The following ARHGAP20 variants were observed in gnomAD, a reference collection of about 807,000 sequenced individuals.
The protein encoded by ARHGAP20 is rho GTPase-activating protein 20.
ARHGAP20 carries 34 observed loss-of-function variants against 73.7 expected under a neutral mutation model. The observed-to-expected ratio is 0.46, with a 90% CI of 0.35 to 0.61. The LOEUF (loss-of-function observed/expected upper bound fraction) is 0.61. ARHGAP20 is among the 20% of genes least tolerant of loss of function. The probability of loss-of-function intolerance (pLI) is 0.00; values close to 1 mark genes in which losing one functional copy is unlikely to be tolerated. For synonymous variants in ARHGAP20, 523 were observed against 518.2 expected (o/e 1.01, Z -0.13); for missense variants, 1,314 against 1,420.9 (o/e 0.92, Z 1.21).
intron 9 of ARHGAP20, among the ~76,000 whole-genome samples, chr11:110,594,783 A>T (rs1190115803): frequency 6.6e-6 from 1 of 152,106 alleles, no homozygotes; most frequent in Non-Finnish European, 1.5e-5. Flanking sequence ...TCCCTAACTC[A>T]TTTTATGAGG....
At chr11:110,703,298 T>G (rs1168314533) in intron 1 of ARHGAP20, among the ~76,000 whole-genome samples, 1 of 152,138 alleles carries the variant, frequency 6.6e-6, no homozygotes, top group Middle Eastern at 3.2e-3. Context: ...GAAGGACTAC[T>G]ACCATGTTGA....
intron 10 of ARHGAP20, 47 bp downstream of exon 10, chr11:110,591,930 T>G (rs372459068): frequency 1.7e-5 from 27 of 1,586,068 alleles, no homozygotes; most frequent in Non-Finnish European, 2.3e-5. Context: ...AGCTCTCCTT[T>G]CCCAAACACC....
intron 1 of ARHGAP20, among the ~76,000 whole-genome samples, chr11:110,709,471 A>G (rs1312930202): frequency 6.6e-6 from 1 of 152,234 alleles, no homozygotes; most frequent in Non-Finnish European, 1.5e-5. Context: ...ATAAGAAAAT[A>G]TCAGGCCAGG....
chr11:110,683,242 A>G (rs1282172144), intron 2 of ARHGAP20, among the ~76,000 whole-genome samples: 2 of 152,166 alleles, frequency 1.3e-5, no homozygotes, highest in African/African-American at 4.8e-5. Flanking sequence ...ATGAAGAAAT[A>G]CCATAACAAT....
intron 4 of ARHGAP20, among the ~76,000 whole-genome samples, chr11:110,620,312 CATA>C (rs1948601650): frequency 6.6e-6 from 1 of 151,990 alleles, no homozygotes; most frequent in East Asian, 1.9e-4. Flanking sequence ...ACCATGCCTG[CATA>C]ATATTTTGAC....
At chr11:110,637,644 T>C (rs1948995880) in intron 2 of ARHGAP20, among the ~76,000 whole-genome samples, 1 of 152,130 alleles carries the variant, frequency 6.6e-6, no homozygotes, top group South Asian at 2.1e-4. Context: ...AGGAACTAGA[T>C]TGGGTCCTTG....
At chr11:110,683,481 G>A (rs1024839379) in intron 2 of ARHGAP20, among the ~76,000 whole-genome samples, 1 of 152,124 alleles carries the variant, frequency 6.6e-6, no homozygotes, top group Non-Finnish European at 1.5e-5. Flanking sequence ...CTTTTGGTTT[G>A]CAAATGGAGA....
At chr11:110,693,585 T>A (rs1950281908) in intron 1 of ARHGAP20, among the ~76,000 whole-genome samples, 1 of 151,958 alleles carries the variant, frequency 6.6e-6, no homozygotes, top group South Asian at 2.1e-4. Flanking sequence ...ATTTAGATAT[T>A]AATTCATTCA....
chr11:110,647,197 A>G lies in ARHGAP20; in HGVS notation c.189-16405T>C, dbSNP rs1249288769. Among the ~76,000 whole-genome samples the G allele has an allele frequency of 2.0e-5, 3 of 151,974 alleles. No homozygotes were observed. The East Asian group carries it at 5.8e-4, about 29-fold the overall frequency. ...TGTGTGCATGCGCGCACATGCATGCAACTGGGTTAAGGATGGAGATAAGAA... is the reference window on the plus strand; with the variant it reads ...TGTGTGCATGCGCGCACATGCATGCGACTGGGTTAAGGATGGAGATAAGAA... On this transcript the variant is annotated intron_variant, in intron 2 of 14. Transcript: ENST00000683387.
chr11:110,711,264 C>T (rs932623319), intron 1 of ARHGAP20, among the ~76,000 whole-genome samples: 3 of 152,166 alleles, frequency 2.0e-5, no homozygotes, highest in East Asian at 1.9e-4. Context: ...CTGCATCCCT[C>T]TCCCAGCTTT....
rs1947676686 is a variant in ARHGAP20 at position 110,586,696 on chromosome 11, GGT to G, written c.1306-373_1306-372del. Among the ~76,000 whole-genome samples the G allele has an allele frequency of 1.8e-4, 28 of 152,118 alleles. 1 individual carries two copies. The stretch of plus-strand genomic sequence containing the variant: ...CAGCTAGTTCAAGGAAATGTACCAA[GGT>G]ATCTATGAGGTTCATTGTCTGGTAG... On this transcript the variant is annotated intron_variant, in intron 11 of 14. Transcript: ENST00000683387.
intron 1 of ARHGAP20, among the ~76,000 whole-genome samples, chr11:110,709,830 T>C (rs562912530): frequency 6.6e-6 from 1 of 152,338 alleles, no homozygotes; most frequent in South Asian, 2.1e-4. Context: ...TTTAAGCAGG[T>C]AAGCAACATG....
intron 1 of ARHGAP20, among the ~76,000 whole-genome samples, chr11:110,698,090 T>C (rs1009102958): frequency 1.3e-4 from 20 of 151,732 alleles, no homozygotes; most frequent in African/African-American, 4.8e-4. Flanking sequence ...CATCTACGAT[T>C]TCTTTCATCA....
At chr11:110,712,980 T>A (rs1950704683), upstream of ARHGAP20, 1 of 152,396 alleles carries the variant, frequency 6.6e-6, no homozygotes, top group East Asian at 1.9e-4. Flanking sequence ...TCGCCTGACC[T>A]CTTGTGCAAT....
chr11:110,617,268 T>C (rs955480261), intron 4 of ARHGAP20, among the ~76,000 whole-genome samples: 69 of 152,072 alleles, frequency 4.5e-4, no homozygotes, highest in African/African-American at 1.6e-3. Context: ...TTTCTTTCTT[T>C]TTTTTTTTGA....
chr11:110,667,954 G>C (rs1258816914), intron 2 of ARHGAP20, among the ~76,000 whole-genome samples: 2 of 152,192 alleles, frequency 1.3e-5, no homozygotes, highest in Non-Finnish European at 2.9e-5. Flanking sequence ...TCTTGACGTG[G>C]AATCTACTCC....
Position 110,580,509 on chromosome 11 carries a change from C to A in ARHGAP20, c.2437G>T (p.Asp813Tyr). 6.2e-7 allele frequency: 1 copy of A among 1,614,080 alleles called. No individual in the cohort carries two copies. Among genetic ancestry groups the A allele is most frequent in the Non-Finnish European group, 8.5e-7 (1 of 1,180,032 alleles). The change falls in exon 15 of 15, where the codon GAT becomes TAT. Residue 813 changes from aspartate (D) to tyrosine (Y), a missense_variant. Asp to Tyr is a radical substitution (Grantham distance 160). This residue lies in a region of ARHGAP20 where 641 missense variants were observed against 636.9 expected (regional missense o/e 1.01). Transcript: ENST00000683387. ...TCAAAGGGCTGGTTCTTGGAATGATCCTGTGAGGACATAGGACTATAAGAT... is the reference window on the plus strand; with the variant it reads ...TCAAAGGGCTGGTTCTTGGAATGATACTGTGAGGACATAGGACTATAAGAT... ...VASYSPMSSQ[D>Y]HSKNQPFDVN...
chr11:110,678,007 G>T (rs1262792589), intron 2 of ARHGAP20, among the ~76,000 whole-genome samples: 2 of 152,136 alleles, frequency 1.3e-5, no homozygotes, highest in Non-Finnish European at 2.9e-5. Context: ...TAAACAAAAT[G>T]TGGTATACCT....
At chr11:110,641,833 C>T (rs1949084267) in intron 2 of ARHGAP20, among the ~76,000 whole-genome samples, 1 of 152,050 alleles carries the variant, frequency 6.6e-6, no homozygotes, top group East Asian at 1.9e-4. Flanking sequence ...GTGTGGCCTG[C>T]TGACTTAAAA....
Sources: allele counts gnomAD v4.1 joint callset (sites outside exome capture counted in the v4.1 genomes callset), GRCh38; gene constraint gnomAD v4.1.1; regional missense constraint gnomAD v4.1.1; transcripts MANE v1.5; gene names NCBI Gene and HGNC (gene_info 2026-07-23, HGNC 2026-07-21).